Variants in FANK1 observed in about 807,000 individuals in gnomAD.
FANK1 encodes fibronectin type 3 and ankyrin repeat domains protein 1.
Under a neutral mutation model 45.3 loss-of-function variants are expected in FANK1, and 44 were observed. The observed-to-expected ratio is 0.97, with a 90% CI of 0.76 to 1.25. FANK1 has a LOEUF of 1.25. Among genes scored for constraint, FANK1 ranks in the 50% most tolerant of loss-of-function variants. The probability of loss-of-function intolerance (pLI) is 0.00; values close to 1 mark genes in which losing one functional copy is unlikely to be tolerated. For synonymous variants in FANK1, 149 were observed against 152.5 expected (o/e 0.98, Z 0.17); for missense variants, 391 against 424.4 (o/e 0.92, Z 0.69).
rs1428125443 is a variant in FANK1 at position 125,997,858 on chromosome 10, A to AT, written c.539+376dup. 7.2e-5 allele frequency among the ~76,000 whole-genome samples: 11 copies of AT among 152,360 alleles called. No individual in the cohort carries two copies. In the East Asian group the frequency reaches 2.1e-3, roughly 29 times the overall value. On this transcript the variant is annotated intron_variant, in intron 6 of 10. Coordinates refer to ENST00000368693, the MANE Select transcript of FANK1 (RefSeq NM_145235.5). ...CGTGCCTCTCTCAGGCCCCCGCTGC[A>AT]TTTCAGCCTCATTCATTGCTAAGAA...
chr10:125,951,879 C>G (rs1949257642), intron 1 of FANK1, among the ~76,000 whole-genome samples: 1 of 152,150 alleles, frequency 6.6e-6, no homozygotes, highest in African/African-American at 2.4e-5. Context: ...AAAACTGCCA[C>G]TGTGTTCAGT....
intron 1 of FANK1, among the ~76,000 whole-genome samples, chr10:125,971,842 T>C (rs187020371): frequency 6.9e-4 from 105 of 152,240 alleles, no homozygotes; most frequent in Non-Finnish European, 1.3e-3. Flanking sequence ...CAGGATGGTC[T>C]CGATCTCGTG....
Position 125,983,583 on chromosome 10 carries a change from G to GGAGCCT in FANK1, c.191+3246_191+3251dup, listed in dbSNP as rs1951360625. On this transcript the variant is annotated intron_variant, in intron 2 of 10. Coordinates refer to ENST00000368693, the MANE Select transcript of FANK1 (RefSeq NM_145235.5). This position sits in a 1 kb window ranked among gnomAD's most constrained non-coding sequence, Gnocchi z 4.3. ...GAGTAGATCTGAAGCAAGGATACCTGGAGCCTTGCAACTATCTGGGGGAAG... is the reference window on the plus strand; with the variant it reads ...GAGTAGATCTGAAGCAAGGATACCTGGAGCCTGAGCCTTGCAACTATCTGGGGGAAG... Among the ~76,000 whole-genome samples the GGAGCCT allele has an allele frequency of 6.6e-6, 1 of 152,116 alleles. No individual in the cohort carries two copies. The highest frequency in any genetic ancestry group is 2.1e-4 in the South Asian group (1 of 4,818).
intron 3 of FANK1, among the ~76,000 whole-genome samples, chr10:125,991,690 C>A (rs1431495421): frequency 1.3e-5 from 2 of 152,092 alleles, no homozygotes; most frequent in Non-Finnish European, 2.9e-5. Context: ...ATGAGGCTTA[C>A]AATTTTAATC....
chr10:125,960,861 A>G (rs560240962), intron 1 of FANK1, among the ~76,000 whole-genome samples: 33 of 152,130 alleles, frequency 2.2e-4, no homozygotes, highest in African/African-American at 8.0e-4. Context: ...TCAAAATACC[A>G]ATGACATTCT....
At chr10:125,897,652 G>GAGA (rs1944664232) in intron 1 of FANK1, among the ~76,000 whole-genome samples, 2 of 152,306 alleles carry the variant, frequency 1.3e-5, no homozygotes, top group Non-Finnish European at 2.9e-5. Context: ...ATTTGCTGAG[G>GAGA]AGAAAGCTTG....
At chr10:126,003,100 C>G (rs2134228254) in intron 6 of FANK1, among the ~76,000 whole-genome samples, 1 of 122,616 alleles carries the variant, frequency 8.2e-6, no homozygotes, top group Non-Finnish European at 1.8e-5. Flanking sequence ...GACCAGTCCT[C>G]TCTTTAAATT....
intron 4 of FANK1, among the ~76,000 whole-genome samples, chr10:125,996,068 A>G (rs1952304988): frequency 6.6e-6 from 1 of 152,240 alleles, no homozygotes; most frequent in African/African-American, 2.4e-5. Context: ...GAAGGTTCCC[A>G]CAAAAAGCCA....
chr10:125,996,536 C>G lies in FANK1; in HGVS notation c.399-14C>G. 1.2e-6 allele frequency: 2 copies of G among 1,613,894 alleles called. No homozygotes were observed. Among genetic ancestry groups the G allele is most frequent in the Non-Finnish European group, 1.7e-6 (2 of 1,179,882 alleles). On this transcript the variant is annotated splice_polypyrimidine_tract_variant and intron_variant, in intron 4 of 10. Transcript: ENST00000368693. ...TACTGAGCATGTTTATCTCTTTTCT[C>G]TGCTTTTCCCAAGCCGTGTTAAGGT...
chr10:125,906,259 T>C (rs1945503914), intron 1 of FANK1, among the ~76,000 whole-genome samples: 1 of 152,102 alleles, frequency 6.6e-6, no homozygotes, highest in African/African-American at 2.4e-5. Flanking sequence ...CTCATGCCTG[T>C]AATCCCAGCT....
At chr10:125,952,801 AC>A in intron 1 of FANK1, among the ~76,000 whole-genome samples, 1 of 246 alleles carries the variant, frequency 4.1e-3, no homozygotes, top group African/African-American at 0.021. Context: ...GGAAATACAT[AC>A]ACACACACAC....
chr10:125,925,258 G>C (rs554409009), intron 1 of FANK1, among the ~76,000 whole-genome samples: 5 of 152,312 alleles, frequency 3.3e-5, no homozygotes, highest in African/African-American at 9.6e-5. Context: ...CTGTACTTGG[G>C]TGCATATGAT....
intron 1 of FANK1, among the ~76,000 whole-genome samples, chr10:125,904,491 G>C (rs1343808444): frequency 6.6e-6 from 1 of 151,464 alleles, no homozygotes; most frequent in Non-Finnish European, 1.5e-5. Context: ...ACAGGCTGGA[G>C]TGCAGTGGCT....
At chr10:125,965,173 CAAAT>C (rs897548402) in intron 1 of FANK1, among the ~76,000 whole-genome samples, 4 of 152,194 alleles carry the variant, frequency 2.6e-5, no homozygotes, top group African/African-American at 9.6e-5. Context: ...AATAAATAAA[CAAAT>C]AAACAAACTT....
chr10:125,988,776 C>G, intron 3 of FANK1, 101 bp downstream of exon 3: 1 of 1,561,016 alleles, frequency 6.4e-7, no homozygotes, highest in South Asian at 1.1e-5. Context: ...TTACCAGAAG[C>G]AGAAATGATA....
chr10:126,004,769 C>T, intron 6 of FANK1, 115 bp from the exon 7 acceptor site: 1 of 1,022,142 alleles, frequency 9.8e-7, no homozygotes, highest in South Asian at 1.5e-5. Context: ...GAACAGTTCC[C>T]ATGGCTTTTC....
At chr10:125,981,081 A>G (rs1306500517) in intron 2 of FANK1, among the ~76,000 whole-genome samples, 2 of 152,222 alleles carry the variant, frequency 1.3e-5, no homozygotes, top group Admixed American at 6.5e-5. Flanking sequence ...CTCACCCAGT[A>G]TTAAACTCAG....
rs970928330 is a variant in FANK1, at chr10:125,996,089, G to T, written c.399-461G>T. On this transcript the variant is annotated intron_variant, in intron 4 of 10. Coordinates refer to ENST00000368693, the MANE Select transcript of FANK1 (RefSeq NM_145235.5). ...TCCCACAAAAAGCCAAAGCTGCTAC[G>T]CTGGAGTATGTGCGTGAAGACCTCC... Among the ~76,000 whole-genome samples the T allele has an allele frequency of 3.9e-5, 6 of 152,226 alleles. No individual in the cohort carries two copies. In the South Asian group the frequency reaches 8.3e-4, roughly 21 times the overall value.
intron 6 of FANK1, 40 bp downstream of exon 6, chr10:125,997,525 C>T (rs768476080): frequency 2.5e-6 from 4 of 1,583,466 alleles, no homozygotes; most frequent in Admixed American, 1.7e-5. Context: ...CTGATGTTCT[C>T]AGAATTGTGT....
Sources: gnomAD v4.1 joint callset for allele counts (sites outside exome capture counted in the v4.1 genomes callset) on GRCh38, gnomAD v4.1.1 for gene constraint, Gnocchi (gnomAD v3.1) non-coding constraint, MANE v1.5 for transcripts, NCBI Gene and HGNC (gene_info 2026-07-23, HGNC 2026-07-21) for gene names.